The following ENTPD1 variants were observed in gnomAD, a reference collection of about 807,000 sequenced individuals.
ENTPD1 encodes the protein ectonucleoside triphosphate diphosphohydrolase 1.
Under a neutral mutation model 57.0 loss-of-function variants are expected in ENTPD1, and 33 were observed. The observed-to-expected ratio is 0.58, with a 90% CI of 0.44 to 0.77. The LOEUF (loss-of-function observed/expected upper bound fraction) is 0.77, where lower values mean the gene tolerates loss of function less well. ENTPD1 is among the 30% of genes least tolerant of loss of function. ENTPD1 has a pLI of 0.00. For synonymous variants in ENTPD1, 202 were observed against 218.8 expected, an observed-to-expected ratio of 0.92 and a Z score of 0.68; for missense variants, 501 against 603.4, an observed-to-expected ratio of 0.83 and a Z score of 1.78.
intron 1 of ENTPD1, among the ~76,000 whole-genome samples, chr10:95,730,784 A>G (rs973032473): frequency 2.0e-5 from 3 of 152,256 alleles, no homozygotes; most frequent in African/African-American, 4.8e-5. Context: ...GTGTTTAACA[A>G]TGGAATTGCT....
At chr10:95,831,220 A>C (rs1167757108) in intron 2 of ENTPD1, among the ~76,000 whole-genome samples, 1 of 152,186 alleles carries the variant, frequency 6.6e-6, no homozygotes, top group Admixed American at 6.5e-5. Context: ...TGTTGGTGCA[A>C]CTTCATACAT....
chr10:95,809,510 G>T (rs2098289973), intron 1 of ENTPD1, among the ~76,000 whole-genome samples: 1 of 125,390 alleles, frequency 8.0e-6, no homozygotes, highest in Non-Finnish European at 1.6e-5. Context: ...CCACCTCCCA[G>T]ACGGGGCAGA....
rs188470608 is a variant in ENTPD1 at position 95,872,171 on chromosome 10, G to T, written c.*5788G>T. Reference sequence around the variant, plus strand: ...ACCTGGACTGATACCAGGAATGGTGGTGTTGCTTCCAATCTGTTGCTGCTA... The same window carrying T: ...ACCTGGACTGATACCAGGAATGGTGTTGTTGCTTCCAATCTGTTGCTGCTA... On this transcript the variant is annotated 3_prime_UTR_variant, in exon 10 of 10. Coordinates refer to ENST00000371205, the MANE Select transcript of ENTPD1 (RefSeq NM_001776.6). 1.0e-6 allele frequency: 1 copy of T among 985,328 alleles called. No homozygotes were observed. Among genetic ancestry groups the T allele is most frequent in the Admixed American group, 6.1e-5 (1 of 16,264 alleles). The allele number at this position is 985,328 out of a possible 1,614,324, so 61.0% of individuals were successfully genotyped here.
Position 95,867,337 on chromosome 10 carries a change from GCAT to G in ENTPD1, c.*960_*962del. The stretch of plus-strand genomic sequence containing the variant: ...ACCACTATTTAGTTCCAGAACATTT[GCAT>G]CATCAATACATTGTCTAGAGACAAG... On this transcript the variant is annotated 3_prime_UTR_variant, in exon 10 of 10. Transcript: ENST00000371205. The G allele has an allele frequency of 1.0e-6, 1 of 985,406 alleles. No homozygotes were observed. The highest frequency in any genetic ancestry group is 1.2e-6 in the Non-Finnish European group (1 of 829,922). The allele number at this position is 985,406 out of a possible 1,614,324, so 61.0% of individuals were successfully genotyped here.
At chr10:95,712,407 T>A (rs1196264301) in intron 1 of ENTPD1, among the ~76,000 whole-genome samples, 1 of 152,232 alleles carries the variant, frequency 6.6e-6, no homozygotes, top group African/African-American at 2.4e-5. Context: ...TCTTATTTCA[T>A]GTCCGTATAA....
At chr10:95,842,233 GA>G in intron 3 of ENTPD1, 110 bp from the exon 4 acceptor site, 1 of 986,672 alleles carries the variant, frequency 1.0e-6, no homozygotes. Context: ...AGTACATCAG[GA>G]AATTGTTTTC....
chr10:95,710,932 A>C (rs2097965083), upstream of ENTPD1, among the ~76,000 whole-genome samples: 1 of 152,164 alleles, frequency 6.6e-6, no homozygotes, highest in Admixed American at 6.5e-5. Flanking sequence ...TCTTTCGCAG[A>C]TAGCTGTGGC....
intron 1 of ENTPD1, among the ~76,000 whole-genome samples, chr10:95,784,482 T>C (rs1166131594): frequency 5.0e-4 from 76 of 152,112 alleles, no homozygotes. Context: ...GGGCTAACTG[T>C]AGAGTGTGAA....
chr10:95,865,255 G>A (rs544631201), intron 9 of ENTPD1, among the ~76,000 whole-genome samples: 1 of 152,228 alleles, frequency 6.6e-6, no homozygotes, highest in Admixed American at 6.5e-5. Context: ...CATCATCCTT[G>A]TTGGTTATTA....
At chr10:95,858,597 A>T (rs142935104) in intron 7 of ENTPD1, among the ~76,000 whole-genome samples, 1 of 152,026 alleles carries the variant, frequency 6.6e-6, no homozygotes, top group Non-Finnish European at 1.5e-5. Flanking sequence ...TTGGGTTAAG[A>T]GGGCAGAAAT....
chr10:95,793,130 A>G (rs1259641992), intron 1 of ENTPD1, among the ~76,000 whole-genome samples: 1 of 152,168 alleles, frequency 6.6e-6, no homozygotes, highest in Admixed American at 6.5e-5. Flanking sequence ...CTGCTATTTC[A>G]GTTCCCCTCC....
rs568000580 is a variant in ENTPD1, at chr10:95,876,733, T to C, written c.*10350T>C. The C allele has an allele frequency of 1.2e-5, 12 of 965,926 alleles. 1 individual carries two copies. In the South Asian group the frequency reaches 3.2e-4, roughly 26 times the overall value. The allele number at this position is 965,926 out of a possible 1,614,324, so 59.8% of individuals were successfully genotyped here. ...AAATATTAACCAAAGTAGAAAAATA[T>C]AATACACATCCATGTGCCCATCACA... is the stretch of plus-strand genomic sequence containing the variant. On this transcript the variant is annotated 3_prime_UTR_variant, in exon 10 of 10. Coordinates refer to ENST00000371205, the MANE Select transcript of ENTPD1 (RefSeq NM_001776.6).
rs1399463944 is a variant in ENTPD1 at position 95,873,817 on chromosome 10, C to T, written c.*7434C>T. ...GGAGGCCTCAAAATCAGGTGGGAGG[C>T]AAAAGGTACTTCTTACGTGGTGGCA... is the stretch of plus-strand genomic sequence containing the variant. On this transcript the variant is annotated 3_prime_UTR_variant, in exon 10 of 10. Coordinates refer to ENST00000371205, the MANE Select transcript of ENTPD1 (RefSeq NM_001776.6). 1 of 562,242 alleles carries T rather than the reference C, an allele frequency of 1.8e-6. No homozygotes were observed. Among genetic ancestry groups the T allele is most frequent in the Non-Finnish European group, 2.3e-6 (1 of 443,114 alleles). 34.8% of individuals were successfully genotyped at this position (562,242 alleles called of 1,614,324 possible). A position where few individuals can be genotyped will look rare whatever the true frequency, so the allele number is the denominator to read the frequency against.
rs375933543 is a variant in ENTPD1, at chr10:95,782,748, A to C, written c.16+26493A>C. ...CTCAGCTCTTCCTGTTGTTCCCCCA[A>C]CCCCAACAGTTTTTCTATTCTTTTA... On this transcript the variant is annotated intron_variant, in intron 1 of 9. Transcript: ENST00000371205. Among the ~76,000 whole-genome samples the C allele has an allele frequency of 1.2e-4, 18 of 152,042 alleles. No homozygotes were observed. The East Asian group carries it at 3.3e-3, about 28-fold the overall frequency.
rs562245694 is a variant in ENTPD1 at position 95,813,335 on chromosome 10, C to G, written c.17-9902C>G. 1.4e-4 allele frequency among the ~76,000 whole-genome samples: 21 copies of G among 152,344 alleles called. No homozygotes were observed. The East Asian group carries it at 3.7e-3, about 27-fold the overall frequency. ...CCATCTGCATGTGTAATTGAGCCTT[C>G]TGCTTCTCCATGTTCAAAAAATGGT... On this transcript the variant is annotated intron_variant, in intron 1 of 9. Transcript: ENST00000371205.
intron 1 of ENTPD1, among the ~76,000 whole-genome samples, chr10:95,748,593 G>A (rs1485939959): frequency 6.6e-6 from 1 of 152,026 alleles, no homozygotes; most frequent in African/African-American, 2.4e-5. Flanking sequence ...AGCAGATAAG[G>A]GCTTTGGAAA....
intron 2 of ENTPD1, among the ~76,000 whole-genome samples, chr10:95,824,161 A>T (rs2098364888): frequency 6.6e-6 from 1 of 152,256 alleles, no homozygotes; most frequent in Non-Finnish European, 1.5e-5. Context: ...TAAATACACC[A>T]TTTTAAACTT....
chr10:95,759,772 A>T (rs777486182), intron 1 of ENTPD1, among the ~76,000 whole-genome samples: 1 of 152,198 alleles, frequency 6.6e-6, no homozygotes, highest in Non-Finnish European at 1.5e-5. Flanking sequence ...GCTAACATTG[A>T]TCATTTATTA....
chr10:95,749,937 C>T (rs926556257), intron 1 of ENTPD1, among the ~76,000 whole-genome samples: 3 of 151,972 alleles, frequency 2.0e-5, no homozygotes, highest in Admixed American at 6.6e-5. Context: ...TGGGAGGAGA[C>T]CAGTGAGGAG....
Sources: allele counts gnomAD v4.1 joint callset (sites outside exome capture counted in the v4.1 genomes callset), GRCh38; gene constraint gnomAD v4.1.1; transcripts MANE v1.5; gene names NCBI Gene and HGNC (gene_info 2026-07-23, HGNC 2026-07-21).